The following FAM13A variants were observed in gnomAD, a reference collection of about 807,000 sequenced individuals.
The protein encoded by FAM13A is family with sequence similarity 13 member A, also known as protein FAM13A.
FAM13A carries 76 observed loss-of-function variants against 129.6 expected under a neutral mutation model. That is an observed-to-expected ratio of 0.59 (90% confidence interval 0.49 to 0.71). The LOEUF is 0.71. Ranked by LOEUF, FAM13A falls within the 30% of genes least tolerant of loss-of-function variation. FAM13A has a pLI of 0.00. For synonymous variants in FAM13A, 443 were observed against 449.9 expected, an observed-to-expected ratio of 0.98 and a Z score of 0.20; for missense variants, 1,108 against 1,249.3, an observed-to-expected ratio of 0.89 and a Z score of 1.70.
In FAM13A at chr4:88,815,011, T is replaced by A. The variant is rs568049680; in HGVS notation, c.1008-9959A>T. On this transcript the variant is annotated intron_variant, in intron 7 of 23. Coordinates refer to ENST00000264344, the MANE Select transcript of FAM13A (RefSeq NM_014883.4). ...TATGCCACCATGCACAGATAATTTT[T>A]AAAAAAAATTTTGTAGAGACAGAGT... Among the ~76,000 whole-genome samples the A allele has an allele frequency of 2.6e-5, 4 of 152,038 alleles. No individual in the cohort carries two copies. In the South Asian group the frequency reaches 8.3e-4, roughly 32 times the overall value.
chr4:88,767,993 A>T lies in FAM13A; in HGVS notation c.1525T>A (p.Ser509Thr). Residue 509 changes from serine (S) to threonine (T), a missense_variant, in exon 12 of 24, where the codon TCT becomes ACT. This residue lies in a region of FAM13A where 13 missense variants were observed against 32.4 expected (regional missense o/e 0.40). Coordinates refer to ENST00000264344, the MANE Select transcript of FAM13A (RefSeq NM_014883.4). The part of the protein sequence containing the change: ...RTGPDDFEWM[S>T]DERKGNEKDG... ...CAATTCTAAAATTACCTTTCATCAGACATCCATTCAAAATCATCAGGTCCA... is the reference window on the plus strand; with the variant it reads ...CAATTCTAAAATTACCTTTCATCAGTCATCCATTCAAAATCATCAGGTCCA... 1 of 1,597,020 alleles carries T rather than the reference A, an allele frequency of 6.3e-7. No individual in the cohort carries two copies. The highest frequency in any genetic ancestry group is 8.6e-7 in the Non-Finnish European group (1 of 1,164,708).
At chr4:88,918,757 A>C (rs1579272465) in intron 5 of FAM13A, among the ~76,000 whole-genome samples, 1 of 152,226 alleles carries the variant, frequency 6.6e-6, no homozygotes, top group African/African-American at 2.4e-5. Context: ...GCTTTGTGGC[A>C]GTGGCAACGC....
chr4:88,943,321 C>G (rs1755096291), intron 4 of FAM13A, among the ~76,000 whole-genome samples: 1 of 152,174 alleles, frequency 6.6e-6, no homozygotes, highest in Admixed American at 6.5e-5. Context: ...TATGTGGAAA[C>G]ACTGTCAAGT....
chr4:88,763,899 A>T (rs1374945687), intron 13 of FAM13A, among the ~76,000 whole-genome samples: 2 of 152,202 alleles, frequency 1.3e-5, no homozygotes, highest in African/African-American at 4.8e-5. Flanking sequence ...GGCTTTGGCT[A>T]TTGGATTGAT....
chr4:89,017,264 C>T (rs1166992200), intron 3 of FAM13A, among the ~76,000 whole-genome samples: 1 of 151,946 alleles, frequency 6.6e-6, no homozygotes, highest in East Asian at 1.9e-4. Flanking sequence ...ACCAACATAG[C>T]AAAAATTTAA....
rs201591729 is a variant in FAM13A at position 88,758,833 on chromosome 4, G to A, written c.1647C>T (p.Ala549=). Residue 549 remains alanine, a synonymous_variant, in exon 14 of 24, where the codon GCC becomes GCT. Coordinates refer to ENST00000264344, the MANE Select transcript of FAM13A (RefSeq NM_014883.4). The part of the protein sequence containing the change: ...SDTKQQRNQD[A]GDQEESFVSE... ...AGACAAAGCTCTCCTCCTGGTCACC[G>A]GCATCTTGATTTCTCTGCTGTTTGG... is the stretch of plus-strand genomic sequence containing the variant. 7.0e-5 allele frequency: 113 copies of A among 1,613,792 alleles called. No individual in the cohort carries two copies. The highest frequency in any genetic ancestry group is 8.7e-5 in the Non-Finnish European group (103 of 1,179,890).
At chr4:88,825,618 C>T (rs1246499902) in intron 7 of FAM13A, among the ~76,000 whole-genome samples, 1 of 152,064 alleles carries the variant, frequency 6.6e-6, no homozygotes, top group Non-Finnish European at 1.5e-5. Flanking sequence ...CACATTAATA[C>T]TACCTGGCTA....
intron 11 of FAM13A, among the ~76,000 whole-genome samples, chr4:88,770,417 A>G (rs1360573814): frequency 3.3e-5 from 5 of 152,168 alleles, no homozygotes; most frequent in Non-Finnish European, 1.5e-5. Context: ...GGAAAGCACA[A>G]CCCTCTATCT....
At chr4:88,730,977 C>T (rs7662680) in intron 23 of FAM13A, among the ~76,000 whole-genome samples, 26,911 of 152,096 alleles carry the variant, frequency 0.18, 2,492 homozygotes, top group East Asian at 0.24. Context: ...TAACCTCTAG[C>T]TTCTTAAGAA....
At chr4:88,977,903 T>C (rs1231056199) in intron 4 of FAM13A, among the ~76,000 whole-genome samples, 2 of 152,182 alleles carry the variant, frequency 1.3e-5, no homozygotes. Context: ...ACTGAACATC[T>C]AGAGGATAAT....
intron 6 of FAM13A, among the ~76,000 whole-genome samples, chr4:88,899,856 T>C (rs1271849244): frequency 6.6e-6 from 1 of 152,102 alleles, no homozygotes; most frequent in Non-Finnish European, 1.5e-5. Context: ...GAGCATGTTG[T>C]AACCCACTGC....
intron 5 of FAM13A, among the ~76,000 whole-genome samples, chr4:88,916,207 T>C (rs574801848): frequency 6.6e-5 from 10 of 152,312 alleles, no homozygotes; most frequent in African/African-American, 2.4e-4. Context: ...CTTTTCTTTA[T>C]AAATTATTCC....
rs182989769 is a variant in FAM13A at position 89,015,196 on chromosome 4, C to T, written c.427+5264G>A. ...CTGTCTCCTGATAAGATGTTACCAA[C>T]GACAATGTGTGCCTGAAACTTCATT... is the stretch of plus-strand genomic sequence containing the variant. On this transcript the variant is annotated intron_variant, in intron 3 of 23. Transcript: ENST00000264344. Among the ~76,000 whole-genome samples, 320 of 152,236 alleles carry T rather than the reference C, an allele frequency of 2.1e-3. 1 individual carries two copies. Among genetic ancestry groups the T allele is most frequent in the African/African-American group, 7.2e-3 (298 of 41,530 alleles).
intron 6 of FAM13A, among the ~76,000 whole-genome samples, chr4:88,884,653 A>C (rs1744119666): frequency 6.6e-6 from 1 of 152,208 alleles, no homozygotes; most frequent in African/African-American, 2.4e-5. Context: ...AGCCAGAGCA[A>C]TTAGACAAGA....
chr4:88,731,443 G>A lies in FAM13A; in HGVS notation c.2844-15C>T, dbSNP rs1418447379. 2 of 1,433,298 alleles carry A rather than the reference G, an allele frequency of 1.4e-6. No individual in the cohort carries two copies. Among genetic ancestry groups the A allele is most frequent in the South Asian group, 1.2e-5 (1 of 85,176 alleles). 88.8% of individuals were successfully genotyped at this position (1,433,298 alleles called of 1,614,324 possible). A position where few individuals can be genotyped will look rare whatever the true frequency, so the allele number is the denominator to read the frequency against. ...GGAGTTCAGGTCTAAGAGAGAGGAA[G>A]CATTGCAAGGAAATTAAGTTAAATT... is the stretch of plus-strand genomic sequence containing the variant. On this transcript the variant is annotated splice_polypyrimidine_tract_variant and intron_variant, in intron 22 of 23. Transcript: ENST00000264344.
chr4:88,778,417 ATCTTCAAAATACATTCACTT>A (rs1306825908), intron 11 of FAM13A, among the ~76,000 whole-genome samples: 1 of 152,180 alleles, frequency 6.6e-6, no homozygotes, highest in African/African-American at 2.4e-5. Context: ...TGTCAATTCT[ATCTTCAAAATACATTCACTT>A]TCTTACCCCA....
At chr4:88,746,849 C>G in intron 19 of FAM13A, 83 bp downstream of exon 19, 1 of 887,758 alleles carries the variant, frequency 1.1e-6, no homozygotes, top group East Asian at 2.4e-5. Flanking sequence ...TAGGGAACCC[C>G]ATTTGTAAAA....
chr4:88,883,874 C>T (rs1296189505), intron 6 of FAM13A, among the ~76,000 whole-genome samples: 8 of 152,032 alleles, frequency 5.3e-5, no homozygotes, highest in South Asian at 4.2e-4. Flanking sequence ...TTGAAGGCTA[C>T]GATAAACACG....
intron 4 of FAM13A, among the ~76,000 whole-genome samples, chr4:88,971,099 C>CTGAGGCAGGAGAATGGCA (rs1164594926): frequency 1.3e-5 from 2 of 151,982 alleles, no homozygotes; most frequent in Non-Finnish European, 2.9e-5. Context: ...GCAGGAGAAG[C>CTGAGGCAGGAGAATGGCA]TGAGGCAGGA....
Sources: allele counts gnomAD v4.1 joint callset (sites outside exome capture counted in the v4.1 genomes callset), GRCh38; gene constraint gnomAD v4.1.1; regional missense constraint gnomAD v4.1.1; transcripts MANE v1.5; gene names NCBI Gene and HGNC (gene_info 2026-07-23, HGNC 2026-07-21).